ARAP1: variants seen among roughly 807,000 people sequenced by gnomAD.
ARAP1 encodes the protein arf-GAP with Rho-GAP domain, ANK repeat and PH domain-containing protein 1.
A neutral mutation model predicts 172.2 loss-of-function variants in ARAP1; 76 were observed. The ratio of observed to expected loss-of-function variants is 0.44; its 90% confidence interval spans 0.37 to 0.53. The LOEUF (loss-of-function observed/expected upper bound fraction) is 0.53, where lower values mean the gene tolerates loss of function less well. Among genes scored for constraint, ARAP1 ranks in the 20% least tolerant of loss-of-function variants. The probability of loss-of-function intolerance (pLI) is 0.00; values close to 1 mark genes in which losing one functional copy is unlikely to be tolerated. For synonymous variants in ARAP1, 804 were observed against 803.3 expected (o/e 1.00, Z -0.01); for missense variants, 1,686 against 1,977.5 (o/e 0.85, Z 2.80).
At chr11:72,686,009 GC>G (rs1189806109) in intron 34 of ARAP1, 32 bp downstream of exon 34, 1 of 1,613,714 alleles carries the variant, frequency 6.2e-7, no homozygotes, top group African/African-American at 1.3e-5. Flanking sequence ...CAGGCCCCCA[GC>G]CCCCTGCCCA....
chr11:72,697,038 G>T lies in ARAP1; in HGVS notation c.3111C>A (p.Asp1037Glu). ...CGCGAGTGAAGAGCCCATCAGGCAG[G>T]TCGCGCAGGAAGCGCTTGAGCGCCG... is the stretch of plus-strand genomic sequence containing the variant. ...VSSALKRFLRDLPDGLFTRAQ... is the reference protein window; with the variant it reads ...VSSALKRFLRELPDGLFTRAQ... Residue 1037 changes from aspartate to glutamate, a missense_variant, in exon 22 of 35, where the codon GAC becomes GAA. This residue lies in a region of ARAP1 where 274 missense variants were observed against 262.7 expected (regional missense o/e 1.04). Transcript: ENST00000393609. 1 of 1,610,000 alleles carries T rather than the reference G, an allele frequency of 6.2e-7. No individual in the cohort carries two copies. Among genetic ancestry groups the T allele is most frequent in the South Asian group, 1.1e-5 (1 of 91,092 alleles).
At chr11:72,727,232 C>G (rs1429939903) in intron 2 of ARAP1, 60 bp from the exon 3 acceptor site, 1 of 1,357,424 alleles carries the variant, frequency 7.4e-7, no homozygotes, top group Non-Finnish European at 9.8e-7. Context: ...GTCCCCTCAC[C>G]AGCAGCCTGC....
At chr11:72,749,870 CAA>C (rs1335693964) in intron 1 of ARAP1, among the ~76,000 whole-genome samples, 5 of 123,274 alleles carry the variant, frequency 4.1e-5, no homozygotes, top group Admixed American at 1.6e-4. Context: ...GACTCCGTCT[CAA>C]AAAAAAAAAA....
At chr11:72,714,841 T>C (rs1327492215) in intron 3 of ARAP1, among the ~76,000 whole-genome samples, 1 of 152,104 alleles carries the variant, frequency 6.6e-6, no homozygotes, top group African/African-American at 2.4e-5. Context: ...GGATATTCAC[T>C]ACCTCCTGGT....
chr11:72,752,344 C>G lies in ARAP1; in HGVS notation c.-144G>C, dbSNP rs1858557108. The G allele has an allele frequency of 6.6e-6, 1 of 152,372 alleles. No individual in the cohort carries two copies. The highest frequency in any genetic ancestry group is 2.4e-5 in the African/African-American group (1 of 41,460). 9.4% of individuals were successfully genotyped at this position (152,372 alleles called of 1,614,324 possible). A position where few individuals can be genotyped will look rare whatever the true frequency, so the allele number is the denominator to read the frequency against. On this transcript the variant is annotated 5_prime_UTR_variant, in exon 1 of 35. Coordinates refer to ENST00000393609, the MANE Select transcript of ARAP1 (RefSeq NM_001040118.3). ...CGCACTGACCTGTTTTGAGTAAAGACTCCACGCGGGGACCAGGCGTACCGG... is the reference window on the plus strand; with the variant it reads ...CGCACTGACCTGTTTTGAGTAAAGAGTCCACGCGGGGACCAGGCGTACCGG...
Position 72,693,146 on chromosome 11 carries a change from G to A in ARAP1, c.3954+179C>T. The stretch of plus-strand genomic sequence containing the variant: ...CTTAGTGGGGCTACAGGGCACACTA[G>A]AGTGGCCGTCCAGGGCCACAGCAGG... On this transcript the variant is annotated intron_variant, in intron 29 of 34. Transcript: ENST00000393609. This position sits in a 1 kb window ranked among gnomAD's most constrained non-coding sequence, Gnocchi z 4.6. The A allele has an allele frequency of 2.1e-6, 2 of 966,586 alleles. No homozygotes were observed. The highest frequency in any genetic ancestry group is 2.6e-5 in the East Asian group (1 of 37,948). 59.9% of individuals were successfully genotyped at this position (966,586 alleles called of 1,614,324 possible). A position where few individuals can be genotyped will look rare whatever the true frequency, so the allele number is the denominator to read the frequency against.
At chr11:72,742,772 T>C (rs555639130) in intron 1 of ARAP1, among the ~76,000 whole-genome samples, 5 of 152,328 alleles carry the variant, frequency 3.3e-5, no homozygotes, top group Admixed American at 3.3e-4. Flanking sequence ...GGAATTAGGA[T>C]AGCTCCACCT....
At chr11:72,703,758 C>A (rs1856623387) in intron 14 of ARAP1, 2 of 199,046 alleles carry the variant, frequency 1.0e-5, no homozygotes, top group Non-Finnish European at 2.1e-5. Flanking sequence ...CCATGCGGGG[C>A]CTCATCTTGA....
intron 8 of ARAP1, 140 bp downstream of exon 8, chr11:72,711,290 A>G: frequency 6.8e-7 from 1 of 1,462,022 alleles, no homozygotes; most frequent in Non-Finnish European, 9.3e-7. Context: ...CAGCAGGCAG[A>G]GGGCCAGGAG....
In ARAP1 at chr11:72,713,330, C is replaced by T. The variant is rs1042327763; in HGVS notation, c.680-87G>A. On this transcript the variant is annotated intron_variant, in intron 4 of 34. Transcript: ENST00000393609. ...CACACTGGGCTTCACAAAGCCTCCC[C>T]CATGCCAAGACCCCCATCCCCACCT... 1.1e-5 allele frequency: 14 copies of T among 1,280,696 alleles called. No individual in the cohort carries two copies. In the African/African-American group the frequency reaches 1.5e-4, roughly 14 times the overall value. 79.3% of individuals were successfully genotyped at this position (1,280,696 alleles called of 1,614,324 possible).
Position 72,726,613 on chromosome 11 carries a change from C to A in ARAP1, c.509+7G>T. The A allele has an allele frequency of 6.7e-7, 1 of 1,496,874 alleles. No individual in the cohort carries two copies. Among genetic ancestry groups the A allele is most frequent in the Non-Finnish European group, 8.9e-7 (1 of 1,121,698 alleles). The allele number at this position is 1,496,874 out of a possible 1,614,324, so 92.7% of individuals were successfully genotyped here. On this transcript the variant is annotated splice_region_variant and intron_variant, in intron 3 of 34. Coordinates refer to ENST00000393609, the MANE Select transcript of ARAP1 (RefSeq NM_001040118.3). This position sits in a 1 kb window ranked among gnomAD's most constrained non-coding sequence, Gnocchi z 6.5. The stretch of plus-strand genomic sequence containing the variant: ...TGCGCCTCCCACCCTGGGTGGCATC[C>A]ACTCACCTCACCAGCAGGCGGGGGG...
In ARAP1 at chr11:72,699,530, G is replaced by T. The variant is rs1856378151; in HGVS notation, c.2325C>A (p.Val775=). ...AGTAGCTCAGGACCCCGTCACCAAG[G>T]ACACACCAGCGCCGGCTGAACTCTG... The part of the protein sequence containing the change: ...AREEFSRRWC[V]LGDGVLSYFE... The change falls in exon 17 of 35, where the codon GTC becomes GTA. Residue 775 remains valine (V), a synonymous_variant. Transcript: ENST00000393609. This position sits in a 1 kb window ranked among gnomAD's most constrained non-coding sequence, Gnocchi z 4.2. 6.2e-7 allele frequency: 1 copy of T among 1,613,354 alleles called. No individual in the cohort carries two copies. The highest frequency in any genetic ancestry group is 1.7e-5 in the Admixed American group (1 of 59,906).
At chr11:72,701,479 C>A (rs574105250) in intron 16 of ARAP1, among the ~76,000 whole-genome samples, 170 bp downstream of exon 16, 1 of 152,318 alleles carries the variant, frequency 6.6e-6, no homozygotes, top group South Asian at 2.1e-4. Flanking sequence ...ACTACCCCCA[C>A]TCCCACCAGG....
intron 4 of ARAP1, 48 bp from the exon 5 acceptor site, chr11:72,713,291 C>T (rs780216471): frequency 6.4e-7 from 1 of 1,556,036 alleles, no homozygotes; most frequent in Non-Finnish European, 8.9e-7. Context: ...GCCTGGCCTC[C>T]TCTCCTGGGG....
chr11:72,744,156 CTG>C (rs1300255325), intron 1 of ARAP1, among the ~76,000 whole-genome samples: 1 of 149,790 alleles, frequency 6.7e-6, no homozygotes, highest in Non-Finnish European at 1.5e-5. Flanking sequence ...CCATCTGTGA[CTG>C]TGTGTGTCAC....
Position 72,702,999 on chromosome 11 carries a change from G to A in ARAP1, c.2073C>T (p.Phe691=). The change falls in exon 15 of 35, where the codon TTC becomes TTT. Residue 691 remains phenylalanine, a synonymous_variant. Transcript: ENST00000393609. The stretch of plus-strand genomic sequence containing the variant: ...GCGTGGGGGCCTCAGGGTCCCCCGA[G>A]AAGCAGTTGATCCCAGCCCCACAGC... The part of the protein sequence containing the change: ...LLGCGAGINC[F]SGDPEAPTPL... The A allele has an allele frequency of 1.3e-6, 2 of 1,579,316 alleles. No individual in the cohort carries two copies. The highest frequency in any genetic ancestry group is 1.7e-6 in the Non-Finnish European group (2 of 1,164,042).
At chr11:72,712,922 TG>T (rs1857095160) in intron 5 of ARAP1, 4 of 597,588 alleles carry the variant, frequency 6.7e-6, no homozygotes, top group Admixed American at 3.0e-5. Context: ...ACACACAGGG[TG>T]GGGGGAGGCC....
chr11:72,733,081 T>C (rs1223434980), intron 1 of ARAP1, among the ~76,000 whole-genome samples: 1 of 152,102 alleles, frequency 6.6e-6, no homozygotes, highest in Non-Finnish European at 1.5e-5. Flanking sequence ...CTCATGCTCA[T>C]GGAAACTGGC....
rs1037928935 is a variant in ARAP1 at position 72,699,065 on chromosome 11, C to T, written c.2481G>A (p.Leu827=). 4 of 1,614,202 alleles carry T rather than the reference C, an allele frequency of 2.5e-6. No homozygotes were observed. The highest frequency in any genetic ancestry group is 3.4e-6 in the Non-Finnish European group (4 of 1,180,036). Residue 827 remains leucine, a synonymous_variant, in exon 18 of 35, where the codon CTG becomes CTA. Transcript: ENST00000393609. This position sits in a 1 kb window ranked among gnomAD's most constrained non-coding sequence, Gnocchi z 4.2. ...TFEVYTEGER[L]YLFGLESAEQ... ...CCGCACTCTCCAGCCCAAACAGGTA[C>T]AGCCGTTCTCCCTCCGTGTACACCT...
Sources: allele counts gnomAD v4.1 joint callset (sites outside exome capture counted in the v4.1 genomes callset), GRCh38; gene constraint gnomAD v4.1.1; regional missense constraint gnomAD v4.1.1; non-coding constraint Gnocchi (gnomAD v3.1); transcripts MANE v1.5; gene names NCBI Gene and HGNC (gene_info 2026-07-23, HGNC 2026-07-21).